The following SH3BP4 variants were observed in gnomAD, a reference collection of about 807,000 sequenced individuals.
SH3BP4 encodes SH3 domain-binding protein 4.
Under a neutral mutation model 65.5 loss-of-function variants are expected in SH3BP4, and 33 were observed. The ratio of observed to expected loss-of-function variants is 0.50; its 90% confidence interval spans 0.38 to 0.67. SH3BP4 has a LOEUF of 0.67. Among genes scored for constraint, SH3BP4 ranks in the 30% least tolerant of loss-of-function variants. The probability of loss-of-function intolerance (pLI) is 0.00; values close to 1 mark genes in which losing one functional copy is unlikely to be tolerated. For synonymous variants in SH3BP4, 552 were observed against 545.5 expected (o/e 1.01, Z -0.17); for missense variants, 1,134 against 1,261.4 (o/e 0.90, Z 1.53).
At chr2:234,953,125 C>T (rs1692513905) in intron 1 of SH3BP4, 1 of 152,216 alleles carries the variant, frequency 6.6e-6, no homozygotes, top group African/African-American at 2.4e-5. Flanking sequence ...TTATTCTTTC[C>T]AAGTTAGTAG....
chr2:235,038,931 G>A (rs994688742), intron 3 of SH3BP4, among the ~76,000 whole-genome samples: 3 of 152,186 alleles, frequency 2.0e-5, no homozygotes, highest in Non-Finnish European at 4.4e-5. Flanking sequence ...TAACATTGGG[G>A]CCAGGAGATG....
At chr2:234,953,567 C>T (rs1349489551) in intron 1 of SH3BP4, among the ~76,000 whole-genome samples, 1 of 152,188 alleles carries the variant, frequency 6.6e-6, no homozygotes, top group Non-Finnish European at 1.5e-5. Context: ...GGTTTTGGTT[C>T]CTTGCCTTGT....
chr2:235,040,849 C>G (rs748548486), intron 3 of SH3BP4, 39 bp from the exon 4 acceptor site: 1 of 1,577,456 alleles, frequency 6.3e-7, no homozygotes, highest in Non-Finnish European at 8.7e-7. Flanking sequence ...ACCCCGCCGG[C>G]CTTGCCCTCA....
At chr2:234,960,059 A>G (rs774472365) in intron 1 of SH3BP4, among the ~76,000 whole-genome samples, 9 of 152,262 alleles carry the variant, frequency 5.9e-5, no homozygotes, top group Non-Finnish European at 1.3e-4. Context: ...TAGTTGATGT[A>G]CAAGTGCCGT....
At chr2:234,972,843 A>T (rs958444542) in intron 1 of SH3BP4, among the ~76,000 whole-genome samples, 1 of 152,224 alleles carries the variant, frequency 6.6e-6, no homozygotes, top group African/African-American at 2.4e-5. Flanking sequence ...TTCCGTAAAA[A>T]GTGGGAACAA....
At chr2:234,981,578 A>G (rs1462498160) in intron 1 of SH3BP4, 1 of 152,196 alleles carries the variant, frequency 6.6e-6, no homozygotes, top group African/African-American at 2.4e-5. Flanking sequence ...GCATTCCTGG[A>G]GAAAGTTAAA....
intron 1 of SH3BP4, among the ~76,000 whole-genome samples, chr2:234,954,701 C>T (rs1184102432): frequency 6.6e-6 from 1 of 152,132 alleles, no homozygotes; most frequent in Non-Finnish European, 1.5e-5. Flanking sequence ...ATAAGATATG[C>T]GAATGGTGAA....
In SH3BP4 at chr2:234,976,020, A is replaced by G. The variant is rs1031015140; in HGVS notation, c.-206-19283A>G. 2.6e-5 allele frequency among the ~76,000 whole-genome samples: 4 copies of G among 152,210 alleles called. No individual in the cohort carries two copies. Among genetic ancestry groups the G allele is most frequent in the African/African-American group, 7.2e-5 (3 of 41,452 alleles). ...CTCAGTTTCCTGTCTCGTCAGCCCC[A>G]TAGAAACTGAGCTCTCCAAATTGAA... On this transcript the variant is annotated intron_variant, in intron 1 of 5. Coordinates refer to ENST00000392011, the MANE Select transcript of SH3BP4 (RefSeq NM_014521.3). This position sits in a 1 kb window ranked among gnomAD's most constrained non-coding sequence, Gnocchi z 4.7.
At position 235,033,843 on chromosome 2, in the gene SH3BP4, G is replaced by A. The variant is rs752818973; in HGVS notation, c.-132-1028G>A. On this transcript the variant is annotated intron_variant, in intron 2 of 5. Transcript: ENST00000392011. The surrounding 1 kb of genome is among the most constrained non-coding windows in gnomAD (Gnocchi z 5.7). ...GCCTCCGGGTCTCTGCATGGTAAAG[G>A]CAGCACACTGGGTCAGAAGCTACAT... 6.6e-6 allele frequency among the ~76,000 whole-genome samples: 1 copy of A among 152,166 alleles called. No individual in the cohort carries two copies. Among genetic ancestry groups the A allele is most frequent in the Non-Finnish European group, 1.5e-5 (1 of 68,038 alleles).
intron 2 of SH3BP4, among the ~76,000 whole-genome samples, chr2:235,019,392 C>T (rs148971896): frequency 5.4e-4 from 82 of 150,834 alleles, no homozygotes; most frequent in African/African-American, 1.9e-3. Flanking sequence ...CAGGGAAAGC[C>T]TCTTGTGTGA....
At chr2:234,988,260 C>T (rs535473060) in intron 1 of SH3BP4, among the ~76,000 whole-genome samples, 116 of 152,206 alleles carry the variant, frequency 7.6e-4, no homozygotes, top group South Asian at 2.1e-3. Flanking sequence ...AGGGTTTCAC[C>T]GTGTTAGCCA....
intron 2 of SH3BP4, among the ~76,000 whole-genome samples, chr2:235,028,954 G>T (rs150085915): frequency 6.6e-6 from 1 of 152,230 alleles, no homozygotes; most frequent in Non-Finnish European, 1.5e-5. Flanking sequence ...ATGATGTTGG[G>T]CTTCTAGGGC....
chr2:234,963,030 G>A (rs1422988801), intron 1 of SH3BP4, among the ~76,000 whole-genome samples: 2 of 152,172 alleles, frequency 1.3e-5, no homozygotes, highest in African/African-American at 2.4e-5. Flanking sequence ...GATTACAGGC[G>A]TGAGCCACCA....
At position 234,988,283 on chromosome 2, in the gene SH3BP4, T is replaced by G. The variant is rs1411134975; in HGVS notation, c.-206-7020T>G. 2.0e-5 allele frequency among the ~76,000 whole-genome samples: 3 copies of G among 152,208 alleles called. No individual in the cohort carries two copies. The South Asian group carries it at 6.2e-4, about 32-fold the overall frequency. ...ACCGTGTTAGCCAGGATAGTCTTGATCTCCTGACCTCATGATCTGCCCACC... is the reference window on the plus strand; with the variant it reads ...ACCGTGTTAGCCAGGATAGTCTTGAGCTCCTGACCTCATGATCTGCCCACC... On this transcript the variant is annotated intron_variant, in intron 1 of 5. Coordinates refer to ENST00000392011, the MANE Select transcript of SH3BP4 (RefSeq NM_014521.3).
rs2106346382 is a variant in SH3BP4, at chr2:235,052,912, A to T, written c.2667+162A>T. On this transcript the variant is annotated intron_variant, in intron 5 of 5. Coordinates refer to ENST00000392011, the MANE Select transcript of SH3BP4 (RefSeq NM_014521.3). This position sits in a 1 kb window ranked among gnomAD's most constrained non-coding sequence, Gnocchi z 5.0. The stretch of plus-strand genomic sequence containing the variant: ...GCCCAGCACTGGGTGTGCCTCACTG[A>T]GTGGGAGCCATCCTCCGGATTGGTT... Among the ~76,000 whole-genome samples the T allele has an allele frequency of 6.6e-6, 1 of 152,318 alleles. No individual in the cohort carries two copies. The highest frequency in any genetic ancestry group is 2.1e-4 in the South Asian group (1 of 4,826).
intron 1 of SH3BP4, among the ~76,000 whole-genome samples, chr2:234,990,871 C>A (rs192735645): frequency 1.1e-3 from 162 of 152,316 alleles, no homozygotes; most frequent in Non-Finnish European, 1.9e-3. Flanking sequence ...TCTCCCTTAG[C>A]ATCTGGGGGT....
Position 235,034,832 on chromosome 2 carries a change from C to A in SH3BP4, c.-132-39C>A. On this transcript the variant is annotated intron_variant, in intron 2 of 5. Transcript: ENST00000392011. The surrounding 1 kb of genome is among the most constrained non-coding windows in gnomAD (Gnocchi z 6.2). ...AAATTACCATTGAACCCATGTTTCG[C>A]TTGCTTAAGGGACTTTTTTGTTCCT... is the stretch of plus-strand genomic sequence containing the variant. 1 of 597,492 alleles carries A rather than the reference C, an allele frequency of 1.7e-6. No homozygotes were observed. Among genetic ancestry groups the A allele is most frequent in the Non-Finnish European group, 3.0e-6 (1 of 336,834 alleles). 37.0% of individuals were successfully genotyped at this position (597,492 alleles called of 1,614,324 possible). A position where few individuals can be genotyped will look rare whatever the true frequency, so the allele number is the denominator to read the frequency against.
intron 1 of SH3BP4, among the ~76,000 whole-genome samples, chr2:234,959,117 G>A (rs1381123388): frequency 1.3e-5 from 2 of 152,166 alleles, no homozygotes; most frequent in Non-Finnish European, 2.9e-5. Flanking sequence ...TAGCCTTTGT[G>A]GAGGGCTGGC....
chr2:234,956,428 A>T lies in SH3BP4; in HGVS notation c.-207+4258A>T, dbSNP rs145239067. Among the ~76,000 whole-genome samples, 841 of 152,240 alleles carry T rather than the reference A, an allele frequency of 5.5e-3. 11 individuals carry two copies. Among genetic ancestry groups the T allele is most frequent in the African/African-American group, 0.019 (791 of 41,492 alleles). Reference sequence around the variant, plus strand: ...TATCTGCGCAATAAAAGCTTATCTCAGGGGAGCTCTCTTTGCTGAAGCCTG... The same window carrying T: ...TATCTGCGCAATAAAAGCTTATCTCTGGGGAGCTCTCTTTGCTGAAGCCTG... On this transcript the variant is annotated intron_variant, in intron 1 of 5. Transcript: ENST00000392011.
Sources: gnomAD v4.1 joint callset for allele counts (sites outside exome capture counted in the v4.1 genomes callset) on GRCh38, gnomAD v4.1.1 for gene constraint, Gnocchi (gnomAD v3.1) non-coding constraint, MANE v1.5 for transcripts, NCBI Gene and HGNC (gene_info 2026-07-23, HGNC 2026-07-21) for gene names.